The following PTGER3 variants were observed in gnomAD, a reference collection of about 807,000 sequenced individuals.
PTGER3 encodes prostaglandin E2 receptor EP3 subtype.
A neutral mutation model predicts 34.7 loss-of-function variants in PTGER3; 22 were observed. The observed-to-expected ratio is 0.63, with a 90% confidence interval of 0.45 to 0.91. PTGER3 has a LOEUF of 0.91. Among genes scored for constraint, PTGER3 ranks in the 40% least tolerant of loss-of-function variants. PTGER3 has a pLI of 0.00. For synonymous variants in PTGER3, 241 were observed against 230.1 expected, an observed-to-expected ratio of 1.05 and a Z score of -0.43; for missense variants, 468 against 519.4, an observed-to-expected ratio of 0.90 and a Z score of 0.96.
In PTGER3 at chr1:70,971,494, T is replaced by C; in HGVS notation, c.*236A>G. On this transcript the variant is annotated 3_prime_UTR_variant, in exon 4 of 4. Transcript: ENST00000306666. The stretch of plus-strand genomic sequence containing the variant: ...ATCATCTGTGAAATTCTTCCCAACT[T>C]CTTAAATGCATATTCAAAATCCCAT... The C allele has an allele frequency of 8.4e-7, 1 of 1,193,286 alleles. No individual in the cohort carries two copies. The highest frequency in any genetic ancestry group is 1.0e-6 in the Non-Finnish European group (1 of 957,902). 73.9% of individuals were successfully genotyped at this position (1,193,286 alleles called of 1,614,324 possible).
rs35624664 is a variant in PTGER3, at chr1:71,026,087, C to T, written c.898-13603G>A. Among the ~76,000 whole-genome samples the T allele has an allele frequency of 1.8e-4, 27 of 152,214 alleles. No homozygotes were observed. The East Asian group carries it at 5.2e-3, about 29-fold the overall frequency. ...AATTTAGCACTTGCAAAATTCCCTC[C>T]CCAGGTTAGGCTTGTACTCAGTATT... On this transcript the variant is annotated intron_variant, in intron 1 of 3. Transcript: ENST00000306666.
chr1:70,874,501 T>C (rs1646232148), intron 4 of PTGER3, among the ~76,000 whole-genome samples: 1 of 152,214 alleles, frequency 6.6e-6, no homozygotes, highest in Non-Finnish European at 1.5e-5. Flanking sequence ...TTTTATGTCA[T>C]TGGTTTTCAG....
intron 2 of PTGER3, among the ~76,000 whole-genome samples, chr1:70,976,807 AGCAG>A (rs1653751782): frequency 6.6e-6 from 1 of 152,168 alleles, no homozygotes; most frequent in South Asian, 2.1e-4. Flanking sequence ...TATAAGGATA[AGCAG>A]GTACTAACGA....
chr1:70,996,606 G>A (rs1000813201), intron 2 of PTGER3, among the ~76,000 whole-genome samples: 9 of 149,464 alleles, frequency 6.0e-5, no homozygotes, highest in Middle Eastern at 3.5e-3. Flanking sequence ...GACTACAGGC[G>A]CCCGCCACCA....
At chr1:70,898,002 T>TAA (rs34100101) in intron 4 of PTGER3, among the ~76,000 whole-genome samples, 32 of 149,740 alleles carry the variant, frequency 2.1e-4, no homozygotes, top group African/African-American at 5.9e-4. Context: ...CTCACTGATT[T>TAA]AAAAAAAAAA....
At chr1:70,961,084 A>G (rs566502810) in intron 2 of PTGER3, among the ~76,000 whole-genome samples, 28 of 152,242 alleles carry the variant, frequency 1.8e-4, no homozygotes, top group African/African-American at 6.7e-4. Context: ...TCTGGGGGCA[A>G]TACTTTAAGA....
At chr1:70,959,084 A>G (rs531870069) in intron 2 of PTGER3, among the ~76,000 whole-genome samples, 11 of 152,296 alleles carry the variant, frequency 7.2e-5, no homozygotes, top group Admixed American at 5.2e-4. Context: ...GCTTTGTAGT[A>G]TATTTCGAAG....
chr1:71,023,048 G>A (rs999986781), intron 1 of PTGER3, among the ~76,000 whole-genome samples: 1 of 151,678 alleles, frequency 6.6e-6, no homozygotes, highest in Non-Finnish European at 1.5e-5. Flanking sequence ...AACCTGTGTG[G>A]AATTCTCACC....
At chr1:70,994,393 T>G (rs769088237) in intron 2 of PTGER3, among the ~76,000 whole-genome samples, 1 of 152,168 alleles carries the variant, frequency 6.6e-6, no homozygotes, top group Non-Finnish European at 1.5e-5. Context: ...TCCCTAATTA[T>G]AGTTAACTAT....
intron 4 of PTGER3, among the ~76,000 whole-genome samples, chr1:70,912,598 A>C (rs1199043145): frequency 6.6e-6 from 1 of 152,132 alleles, no homozygotes; most frequent in Non-Finnish European, 1.5e-5. Flanking sequence ...TGCAAGATTG[A>C]AAAAGGCCAC....
chr1:70,997,216 G>A (rs530423802), intron 2 of PTGER3: 1 of 152,308 alleles, frequency 6.6e-6, no homozygotes, highest in South Asian at 2.1e-4. Flanking sequence ...AAGATGCAGT[G>A]AGCAGAGATT....
intron 4 of PTGER3, among the ~76,000 whole-genome samples, chr1:70,873,591 G>C (rs1342461793): frequency 6.7e-6 from 1 of 149,266 alleles, no homozygotes; most frequent in Non-Finnish European, 1.5e-5. Flanking sequence ...TAGGTTTTTT[G>C]GGGGAACAGG....
At chr1:70,862,535 T>A in intron 4 of PTGER3, 1 of 410,592 alleles carries the variant, frequency 2.4e-6, no homozygotes, top group Non-Finnish European at 4.6e-6. Flanking sequence ...GAGAGTCTCA[T>A]GGCTTTGACT....
intron 4 of PTGER3, among the ~76,000 whole-genome samples, chr1:70,878,129 A>G (rs1415506578): frequency 1.3e-5 from 2 of 151,990 alleles, no homozygotes; most frequent in African/African-American, 4.8e-5. Context: ...TAGGCTTTTT[A>G]TTACTGATTC....
downstream of PTGER3, among the ~76,000 whole-genome samples, chr1:70,948,739 G>C (rs1431155366): frequency 6.6e-6 from 1 of 152,098 alleles, no homozygotes; most frequent in South Asian, 2.1e-4. Flanking sequence ...CACTGAAGCA[G>C]ATTTTGCAAT....
intron 4 of PTGER3, among the ~76,000 whole-genome samples, chr1:70,921,257 C>T (rs926871802): frequency 1.3e-5 from 2 of 152,112 alleles, no homozygotes; most frequent in African/African-American, 4.8e-5. Context: ...AAGTGTATAT[C>T]ACTTAATGTA....
chr1:71,040,328 G>A (rs1187927446), intron 1 of PTGER3, among the ~76,000 whole-genome samples: 1 of 152,084 alleles, frequency 6.6e-6, no homozygotes, highest in Non-Finnish European at 1.5e-5. Flanking sequence ...AGGCCAGCGC[G>A]GTGGCTCGTG....
At chr1:70,944,335 C>T (rs527308696) in intron 4 of PTGER3, among the ~76,000 whole-genome samples, 30 of 152,162 alleles carry the variant, frequency 2.0e-4, no homozygotes, top group African/African-American at 7.2e-4. Flanking sequence ...TTTTTTACCA[C>T]TGAAATTTCT....
At chr1:70,948,486 C>T (rs1014516908), downstream of PTGER3, among the ~76,000 whole-genome samples, 1 of 152,122 alleles carries the variant, frequency 6.6e-6, no homozygotes, top group African/African-American at 2.4e-5. Context: ...ATAATTTACC[C>T]AGTCTCAAGA....
Sources: gnomAD v4.1 joint callset for allele counts (sites outside exome capture counted in the v4.1 genomes callset) on GRCh38, gnomAD v4.1.1 for gene constraint, MANE v1.5 for transcripts, NCBI Gene and HGNC (gene_info 2026-07-23, HGNC 2026-07-21) for gene names.